RIPOR3: variants seen among roughly 807,000 people sequenced by gnomAD.
RIPOR3 encodes family with sequence similarity 65 member C.
A neutral mutation model predicts 114.3 loss-of-function variants in RIPOR3; 95 were observed. The ratio of observed to expected loss-of-function variants is 0.83; its 90% CI spans 0.70 to 0.99. The LOEUF (loss-of-function observed/expected upper bound fraction) is 0.99. RIPOR3 is among the 50% of genes least tolerant of loss of function. RIPOR3 has a pLI of 0.00. For synonymous variants in RIPOR3, 575 were observed against 543.8 expected (o/e 1.06, Z -0.80); for missense variants, 1,252 against 1,266.9 (o/e 0.99, Z 0.18).
intron 1 of RIPOR3, among the ~76,000 whole-genome samples, chr20:50,643,935 G>A (rs1208282258): frequency 1.3e-5 from 2 of 152,004 alleles, no homozygotes; most frequent in Admixed American, 6.6e-5. Context: ...GGATGGTCTC[G>A]ATCTCCTGAC....
intron 2 of RIPOR3, among the ~76,000 whole-genome samples, chr20:50,630,292 T>G (rs11906464): frequency 6.6e-6 from 1 of 151,830 alleles, no homozygotes; most frequent in Non-Finnish European, 1.5e-5. Context: ...TTCAAAAAAA[T>G]TTTTGTAGAG....
chr20:50,618,170 G>A (rs564359788), intron 3 of RIPOR3, among the ~76,000 whole-genome samples: 1 of 150,512 alleles, frequency 6.6e-6, no homozygotes, highest in African/African-American at 2.5e-5. Context: ...AGAAGTCTGA[G>A]GCAGGAGAAT....
At chr20:50,614,050 C>G (rs1359630015) in intron 4 of RIPOR3, among the ~76,000 whole-genome samples, 3 of 152,068 alleles carry the variant, frequency 2.0e-5, no homozygotes, top group African/African-American at 4.8e-5. Context: ...TTCATTCATT[C>G]ATTGAAACAG....
intron 1 of RIPOR3, among the ~76,000 whole-genome samples, chr20:50,684,553 A>C (rs2086954271): frequency 6.6e-6 from 1 of 152,130 alleles, no homozygotes; most frequent in South Asian, 2.1e-4. Flanking sequence ...CTGAACAGAG[A>C]AGGAACTGGA....
At chr20:50,650,419 C>CCTGAGT (rs2085559752) in intron 1 of RIPOR3, among the ~76,000 whole-genome samples, 1 of 152,164 alleles carries the variant, frequency 6.6e-6, no homozygotes, top group Non-Finnish European at 1.5e-5. Flanking sequence ...CCTCCCACCT[C>CCTGAGT]AGCCTCCTGA....
intron 21 of RIPOR3, 24 bp downstream of exon 21, chr20:50,587,778 T>C: frequency 1.9e-6 from 3 of 1,612,890 alleles, no homozygotes; most frequent in Non-Finnish European, 2.5e-6. Context: ...CCCGCTGCGC[T>C]GCACAGTTTG....
chr20:50,624,770 C>A (rs552113328), intron 2 of RIPOR3, among the ~76,000 whole-genome samples: 19 of 152,348 alleles, frequency 1.2e-4, no homozygotes, highest in South Asian at 2.1e-4. Flanking sequence ...GGCCCCAGCC[C>A]TCACGTGAGG....
chr20:50,608,796 G>A lies in RIPOR3; in HGVS notation c.685-58C>T, dbSNP rs552737606. 44 of 1,612,450 alleles carry A rather than the reference G, an allele frequency of 2.7e-5. No homozygotes were observed. In the South Asian group the frequency reaches 3.7e-4, roughly 14 times the overall value. ...CCAGGTGGGTGTCCCCTTGCTGTCC[G>A]CCCAGGGCCCTCCCTGCCAGGCAGA... On this transcript the variant is annotated intron_variant, in intron 9 of 21. Coordinates refer to ENST00000327979, the MANE Select transcript of RIPOR3 (RefSeq NM_001290268.2).
At chr20:50,592,984 A>G (rs1374560195) in intron 18 of RIPOR3, 51 bp downstream of exon 18, 4 of 1,598,292 alleles carry the variant, frequency 2.5e-6, no homozygotes, top group Non-Finnish European at 2.6e-6. Flanking sequence ...TGCATGTGAC[A>G]GGGCTCCGTG....
At chr20:50,647,778 G>A (rs1025819065) in intron 1 of RIPOR3, among the ~76,000 whole-genome samples, 13 of 150,918 alleles carry the variant, frequency 8.6e-5, no homozygotes, top group Non-Finnish European at 1.8e-4. Context: ...CACCGCACCC[G>A]GCCACCTCAT....
intron 2 of RIPOR3, among the ~76,000 whole-genome samples, chr20:50,629,414 GC>G (rs1347851374): frequency 6.6e-6 from 1 of 152,182 alleles, no homozygotes; most frequent in African/African-American, 2.4e-5. Flanking sequence ...TTCCCTGGGG[GC>G]TTGCACAGTG....
chr20:50,669,579 C>A (rs2086387855), intron 1 of RIPOR3, among the ~76,000 whole-genome samples: 1 of 152,190 alleles, frequency 6.6e-6, no homozygotes, highest in African/African-American at 2.4e-5. Flanking sequence ...GAAGTCACCG[C>A]TGCGCACTGA....
intron 1 of RIPOR3, among the ~76,000 whole-genome samples, chr20:50,658,368 T>C (rs1356232322): frequency 6.6e-6 from 1 of 152,152 alleles, no homozygotes; most frequent in African/African-American, 2.4e-5. Context: ...TGATGTATGA[T>C]CCTTTTATAT....
chr20:50,620,130 T>A lies in RIPOR3; in HGVS notation c.125A>T (p.Lys42Met), dbSNP rs777636468. 17 of 1,613,728 alleles carry A rather than the reference T, an allele frequency of 1.1e-5. No individual in the cohort carries two copies. In the South Asian group the frequency reaches 1.9e-4, roughly 18 times the overall value. Reference sequence around the variant, plus strand: ...TCTCACGGAGTTCCTGTTGATGGACTTTCTGTGAGAAGGGTTGGAGGGCAA... The same window carrying A: ...TCTCACGGAGTTCCTGTTGATGGACATTCTGTGAGAAGGGTTGGAGGGCAA... ...FSSAQSRRIA[K>M]SINRNSVRSR... The change falls in exon 3 of 22, where the codon AAG becomes ATG. Residue 42 changes from lysine to methionine, a missense_variant and splice_region_variant. Lys to Met is a moderately conservative substitution (Grantham distance 95, BLOSUM62 -1). Transcript: ENST00000327979.
intron 1 of RIPOR3, among the ~76,000 whole-genome samples, chr20:50,676,201 G>C (rs1301911024): frequency 6.6e-6 from 1 of 152,202 alleles, no homozygotes; most frequent in South Asian, 2.1e-4. Context: ...GTCTCACCCC[G>C]ACGGGCTGCT....
intron 17 of RIPOR3, among the ~76,000 whole-genome samples, chr20:50,593,508 T>C (rs2016356): frequency 0.18 from 26,856 of 151,452 alleles, 3,471 homozygotes; most frequent in African/African-American, 0.37. Flanking sequence ...GAGGTGGAGG[T>C]TGTAGTGAGC....
intron 1 of RIPOR3, among the ~76,000 whole-genome samples, chr20:50,631,714 C>T (rs1183895905): frequency 6.6e-6 from 1 of 152,214 alleles, no homozygotes; most frequent in Non-Finnish European, 1.5e-5. Flanking sequence ...CTCCGACCCG[C>T]CCTGCAATGG....
intron 20 of RIPOR3, among the ~76,000 whole-genome samples, chr20:50,589,084 GAA>G (rs529410533): frequency 2.3e-4 from 21 of 89,518 alleles, no homozygotes; most frequent in African/African-American, 6.0e-4. Context: ...TCCATCTCAA[GAA>G]AAAAAAAAAA....
intron 2 of RIPOR3, 78 bp downstream of exon 2, chr20:50,630,660 G>A (rs548395240): frequency 5.3e-5 from 67 of 1,263,422 alleles, no homozygotes; most frequent in Non-Finnish European, 7.0e-5. Context: ...GCAGCAGGAG[G>A]AGGATGACCC....
Sources: allele counts gnomAD v4.1 joint callset (sites outside exome capture counted in the v4.1 genomes callset), GRCh38; gene constraint gnomAD v4.1.1; transcripts MANE v1.5; gene names NCBI Gene and HGNC (gene_info 2026-07-23, HGNC 2026-07-21).